GAS2: variants seen among roughly 807,000 people sequenced by gnomAD.
GAS2 encodes growth arrest-specific protein 2.
In GAS2, 20 loss-of-function variants were observed where a neutral mutation model predicts 37.5. That is an observed-to-expected ratio of 0.53 (90% CI 0.37 to 0.77). The LOEUF (loss-of-function observed/expected upper bound fraction) is 0.77, where lower values mean the gene tolerates loss of function less well. Among genes scored for constraint, GAS2 ranks in the 30% least tolerant of loss-of-function variants. The pLI is 0.00. For missense variants in GAS2, 336 were observed against 373.4 expected (o/e 0.90, Z 0.82); for synonymous variants, 144 against 132.2 (o/e 1.09, Z -0.61).
intron 3 of GAS2, among the ~76,000 whole-genome samples, chr11:22,720,653 A>C (rs965282717): frequency 1.3e-5 from 2 of 152,006 alleles, no homozygotes; most frequent in African/African-American, 4.8e-5. Context: ...CGTACACTCT[A>C]TATACCCTTT....
At chr11:22,723,692 T>A (rs1214097095) in intron 3 of GAS2, among the ~76,000 whole-genome samples, 1 of 151,934 alleles carries the variant, frequency 6.6e-6, no homozygotes, top group African/African-American at 2.4e-5. Context: ...TTTGAAGTGG[T>A]AGTTTTTTCT....
At chr11:22,767,128 T>G (rs1854736712) in intron 7 of GAS2, among the ~76,000 whole-genome samples, 1 of 152,132 alleles carries the variant, frequency 6.6e-6, no homozygotes, top group Non-Finnish European at 1.5e-5. Context: ...GTACTTTCAT[T>G]TTATACATTA....
rs570203788 is a variant in GAS2, at chr11:22,762,633, A to G, written c.723+6680A>G. On this transcript the variant is annotated intron_variant, in intron 7 of 7. Transcript: ENST00000454584. ...TTTACACAATTTTTACTTTAAAAGT[A>G]TTCAGAATACAAAGGGCATTCAATT... Among the ~76,000 whole-genome samples the G allele has an allele frequency of 2.6e-5, 4 of 152,302 alleles. No homozygotes were observed. The South Asian group carries it at 8.3e-4, about 32-fold the overall frequency.
At chr11:22,662,528 A>G (rs2133846774), upstream of GAS2, among the ~76,000 whole-genome samples, 1 of 152,340 alleles carries the variant, frequency 6.6e-6, no homozygotes, top group South Asian at 2.1e-4. Flanking sequence ...AAGACAAGAA[A>G]GGTTGTTGAA....
intron 7 of GAS2, among the ~76,000 whole-genome samples, chr11:22,808,683 A>G (rs1391185739): frequency 1.3e-5 from 2 of 152,220 alleles, no homozygotes; most frequent in East Asian, 3.9e-4. Context: ...TGCCAGGGGC[A>G]TTGATACCAA....
intron 7 of GAS2, among the ~76,000 whole-genome samples, chr11:22,789,656 G>A (rs545785276): frequency 4.0e-5 from 6 of 149,948 alleles, no homozygotes; most frequent in African/African-American, 1.2e-4. Flanking sequence ...TAGTAGAGAC[G>A]GGGTTTCACC....
At chr11:22,757,172 A>G (rs1424553981) in intron 7 of GAS2, among the ~76,000 whole-genome samples, 1 of 152,128 alleles carries the variant, frequency 6.6e-6, no homozygotes, top group Non-Finnish European at 1.5e-5. Context: ...TCTCCCTGCA[A>G]TGTAACCTAA....
chr11:22,794,630 T>C (rs1856341362), intron 7 of GAS2, among the ~76,000 whole-genome samples: 2 of 152,174 alleles, frequency 1.3e-5, no homozygotes, highest in African/African-American at 4.8e-5. Flanking sequence ...ATAATGATCA[T>C]GTAAATATTA....
intron 7 of GAS2, among the ~76,000 whole-genome samples, chr11:22,759,614 CTCCAAGATATAAATATTTCAGTTATTTT>C (rs1459899141): frequency 2.6e-5 from 4 of 152,126 alleles, no homozygotes; most frequent in African/African-American, 9.7e-5. Flanking sequence ...ATGTACTCTC[CTCCAAGATATAAATATTTCAGTTATTTT>C]TCAGTGACTT....
chr11:22,712,771 G>A (rs559412281), intron 3 of GAS2, among the ~76,000 whole-genome samples: 2 of 152,172 alleles, frequency 1.3e-5, no homozygotes, highest in South Asian at 4.1e-4. Flanking sequence ...AGAGAAGGAT[G>A]AAAACTAACT....
At chr11:22,712,123 A>G (rs1259333562) in intron 3 of GAS2, among the ~76,000 whole-genome samples, 1 of 152,196 alleles carries the variant, frequency 6.6e-6, no homozygotes, top group Non-Finnish European at 1.5e-5. Flanking sequence ...TCATAACAGA[A>G]CAACCCTGCT....
intron 1 of GAS2, among the ~76,000 whole-genome samples, chr11:22,671,706 C>T (rs1849207237): frequency 1.3e-5 from 2 of 152,058 alleles, no homozygotes; most frequent in Admixed American, 6.6e-5. Flanking sequence ...ATTGACTAAA[C>T]ACTTCTTTAA....
At chr11:22,651,157 T>G (rs975196464) in intron 1 of GAS2, among the ~76,000 whole-genome samples, 13 of 151,176 alleles carry the variant, frequency 8.6e-5, no homozygotes, top group African/African-American at 2.9e-4. Context: ...GTAAAGTATT[T>G]TATTTCTCCT....
chr11:22,744,140 G>C (rs77221777), intron 5 of GAS2, among the ~76,000 whole-genome samples: 1 of 151,922 alleles, frequency 6.6e-6, no homozygotes, highest in East Asian at 1.9e-4. Flanking sequence ...AATTGAATCG[G>C]TAGTAAAAAG....
intron 1 of GAS2, among the ~76,000 whole-genome samples, chr11:22,630,535 T>G (rs1198473545): frequency 6.6e-6 from 1 of 152,016 alleles, no homozygotes; most frequent in African/African-American, 2.4e-5. Context: ...GGGGAGAAAA[T>G]TTTTGCAGTC....
chr11:22,694,418 C>G (rs1039454334), intron 3 of GAS2, among the ~76,000 whole-genome samples: 3 of 152,166 alleles, frequency 2.0e-5, no homozygotes, highest in African/African-American at 4.8e-5. Context: ...GCTCCTGAGA[C>G]TTTCTGAAGA....
chr11:22,752,314 C>G (rs1853785479), intron 6 of GAS2, among the ~76,000 whole-genome samples: 1 of 151,892 alleles, frequency 6.6e-6, no homozygotes, highest in Non-Finnish European at 1.5e-5. Context: ...CTGGGGAAAA[C>G]TGCATTGAAC....
intron 7 of GAS2, among the ~76,000 whole-genome samples, chr11:22,801,055 C>T (rs139195762): frequency 1.3e-5 from 2 of 152,010 alleles, no homozygotes; most frequent in Admixed American, 6.6e-5. Flanking sequence ...CAATGAAAAG[C>T]GAGTTGATAT....
chr11:22,670,442 A>G (rs1849154763), intron 1 of GAS2, among the ~76,000 whole-genome samples: 1 of 152,058 alleles, frequency 6.6e-6, no homozygotes. Context: ...ATAATCCATT[A>G]TCTACTGTAT....
Sources: allele counts gnomAD v4.1 joint callset (sites outside exome capture counted in the v4.1 genomes callset), GRCh38; gene constraint gnomAD v4.1.1; transcripts MANE v1.5; gene names NCBI Gene and HGNC (gene_info 2026-07-23, HGNC 2026-07-21).